Variants in ADAP1 observed in about 807,000 individuals in gnomAD.
ADAP1 encodes arf-GAP with dual PH domain-containing protein 1.
In ADAP1, 31 loss-of-function variants were observed where a neutral mutation model predicts 54.9. That is an observed-to-expected ratio of 0.56 (90% CI 0.42 to 0.76). ADAP1 has a LOEUF of 0.76. Ranked by LOEUF, ADAP1 falls within the 30% of genes least tolerant of loss-of-function variation. The pLI, the probability that ADAP1 is intolerant of heterozygous loss-of-function variation, is 0.00. For synonymous variants in ADAP1, 313 were observed against 202.6 expected (o/e 1.55, Z -4.63); for missense variants, 535 against 512.4 (o/e 1.04, Z -0.42).
At chr7:917,047 G>A (rs10271453) in intron 4 of ADAP1, among the ~76,000 whole-genome samples, 2 of 29,988 alleles carry the variant, frequency 6.7e-5, no homozygotes, top group African/African-American at 3.3e-4. Flanking sequence ...AGCTCTACCG[G>A]GGAGGTGCAC....
At position 920,819 on chromosome 7, in the gene ADAP1, CCA is replaced by C. The variant is rs1478801612; in HGVS notation, c.306-771_306-770del. 2.8e-5 allele frequency: 43 copies of C among 1,550,142 alleles called. No homozygotes were observed. Among genetic ancestry groups the C allele is most frequent in the Middle Eastern group, 3.3e-4 (2 of 6,008 alleles). ...CCAATACCATTGCAGAAACCACGAC[CCA>C]CACACAGGCCCGGCACGGCCCAGGT... On this transcript the variant is annotated intron_variant, in intron 3 of 10. Transcript: ENST00000265846. The surrounding 1 kb of genome is among the most constrained non-coding windows in gnomAD (Gnocchi z 4.5).
chr7:904,830 C>T lies in ADAP1; in HGVS notation c.501+230G>A, dbSNP rs10254865. Among the ~76,000 whole-genome samples the T allele has an allele frequency of 8.7e-3, 1,321 of 152,346 alleles. 14 individuals are homozygous for T. The highest frequency in any genetic ancestry group is 0.031 in the Middle Eastern group (9 of 294). On this transcript the variant is annotated intron_variant, in intron 5 of 10. Coordinates refer to ENST00000265846, the MANE Select transcript of ADAP1 (RefSeq NM_006869.4). Reference sequence around the variant, plus strand: ...GGCTGGGCCTGAGTTCAGGGGGCCCCGCCCGGCCGCCCAGGCTCCTGGAAA... The same window carrying T: ...GGCTGGGCCTGAGTTCAGGGGGCCCTGCCCGGCCGCCCAGGCTCCTGGAAA...
intron 4 of ADAP1, 73 bp downstream of exon 4, chr7:919,895 A>AAGAGATGGGGGAGGGAGGGAC (rs1846117604): frequency 1.4e-5 from 9 of 661,122 alleles, no homozygotes; most frequent in East Asian, 1.8e-4. Context: ...GAGGGAGGGA[A>AAGAGATGGGGGAGGGAGGGAC]AGAGATGGGG....
rs116446181 is a variant in ADAP1, at chr7:912,850, G to T, written c.388+7118C>A. ...TGAGTAGCTGGAGCTATCACGCCAGGCCTATTTATTTATGTTTTAAGACAA... is the reference window on the plus strand; with the variant it reads ...TGAGTAGCTGGAGCTATCACGCCAGTCCTATTTATTTATGTTTTAAGACAA... On this transcript the variant is annotated intron_variant, in intron 4 of 10. Coordinates refer to ENST00000265846, the MANE Select transcript of ADAP1 (RefSeq NM_006869.4). 2.1e-3 allele frequency among the ~76,000 whole-genome samples: 323 copies of T among 152,196 alleles called. 1 individual carries two copies. The highest frequency in any genetic ancestry group is 6.9e-3 in the African/African-American group (285 of 41,526).
At chr7:947,735 C>G (rs1847179882) in intron 1 of ADAP1, among the ~76,000 whole-genome samples, 1 of 152,170 alleles carries the variant, frequency 6.6e-6, no homozygotes, top group Admixed American at 6.5e-5. Flanking sequence ...ACCCACCTCC[C>G]GCTCCCGCGC....
chr7:932,771 G>T (rs1846625172), intron 2 of ADAP1, among the ~76,000 whole-genome samples: 1 of 152,222 alleles, frequency 6.6e-6, no homozygotes, highest in African/African-American at 2.4e-5. Flanking sequence ...GTGAAGGTGG[G>T]TCGAAGGCGG....
rs1008760255 is a variant in ADAP1 at position 946,888 on chromosome 7, C to T, written c.82+7508G>A. Among the ~76,000 whole-genome samples the T allele has an allele frequency of 1.3e-5, 2 of 152,252 alleles. No individual in the cohort carries two copies. The highest frequency in any genetic ancestry group is 2.9e-5 in the Non-Finnish European group (2 of 68,046). ...GGGCGGCTCACGCCTGCAATCTCAG[C>T]ACCTGGAGAGGCCAAGGTGAACGGG... On this transcript the variant is annotated intron_variant, in intron 1 of 10. Coordinates refer to ENST00000265846, the MANE Select transcript of ADAP1 (RefSeq NM_006869.4). The surrounding 1 kb of genome is among the most constrained non-coding windows in gnomAD (Gnocchi z 4.3).
At chr7:900,661 C>CTGGGGTCCCCACAGAGGA (rs1554270320) in intron 6 of ADAP1, 45 bp from the exon 7 acceptor site, 5 of 1,443,706 alleles carry the variant, frequency 3.5e-6, no homozygotes, top group South Asian at 1.2e-5. Flanking sequence ...GAGGCTGCAG[C>CTGGGGTCCCCACAGAGGA]GCTGGGGTCC....
In ADAP1 at chr7:930,349, A is replaced by G. The variant is rs577190041; in HGVS notation, c.214-3705T>C. The stretch of plus-strand genomic sequence containing the variant: ...ATGAAAACAGCTAACATTGCAGCAG[A>G]AAGGCAGGCAAAGGTGTGAAGAGAG... On this transcript the variant is annotated intron_variant, in intron 2 of 10. Transcript: ENST00000265846. Among the ~76,000 whole-genome samples the G allele has an allele frequency of 6.7e-5, 10 of 148,298 alleles. No homozygotes were observed. In the South Asian group the frequency reaches 2.2e-3, roughly 32 times the overall value.
Position 906,769 on chromosome 7 carries a change from G to C in ADAP1, c.389-1597C>G, listed in dbSNP as rs868824911. Among the ~76,000 whole-genome samples the C allele has an allele frequency of 6.4e-3, 244 of 37,866 alleles. 25 individuals are homozygous for C. Among genetic ancestry groups the C allele is most frequent in the African/African-American group, 0.023 (228 of 9,836 alleles). The allele number at this position is 37,866 out of a possible 152,430, so 24.8% of individuals were successfully genotyped here. A position where few individuals can be genotyped will look rare whatever the true frequency, so the allele number is the denominator to read the frequency against. On this transcript the variant is annotated intron_variant, in intron 4 of 10. Transcript: ENST00000265846. ...CATAGGGGACATGGACAGGGGACATGGGGGACAGGGGACACGGGGGACGGG... is the reference window on the plus strand; with the variant it reads ...CATAGGGGACATGGACAGGGGACATCGGGGACAGGGGACACGGGGGACGGG...
chr7:909,811 C>T (rs927480256), intron 4 of ADAP1, among the ~76,000 whole-genome samples: 1 of 152,216 alleles, frequency 6.6e-6, no homozygotes, highest in African/African-American at 2.4e-5. Context: ...CGTGCCGCGC[C>T]CTGCTGTGAG....
At position 930,125 on chromosome 7, in the gene ADAP1, A is replaced by C. The variant is rs544909818; in HGVS notation, c.214-3481T>G. Among the ~76,000 whole-genome samples, 293 of 134,784 alleles carry C rather than the reference A, an allele frequency of 2.2e-3. 1 individual carries two copies. Among genetic ancestry groups the C allele is most frequent in the South Asian group, 9.0e-3 (36 of 3,992 alleles). The allele number at this position is 134,784 out of a possible 152,430, so 88.4% of individuals were successfully genotyped here. A position where few individuals can be genotyped will look rare whatever the true frequency, so the allele number is the denominator to read the frequency against. ...TCAAAAAAAAAAAAAAAAAAAAAAA[A>C]AACCCTCAGGCAGAGAAGGCCTATT... On this transcript the variant is annotated intron_variant, in intron 2 of 10. Coordinates refer to ENST00000265846, the MANE Select transcript of ADAP1 (RefSeq NM_006869.4).
chr7:945,564 A>G lies in ADAP1; in HGVS notation c.82+8832T>C, dbSNP rs1403356364. On this transcript the variant is annotated intron_variant, in intron 1 of 10. Coordinates refer to ENST00000265846, the MANE Select transcript of ADAP1 (RefSeq NM_006869.4). This position sits in a 1 kb window ranked among gnomAD's most constrained non-coding sequence, Gnocchi z 4.2. ...AGGCCAGCAGGTACACACTGGGCCCAAGGGTGGCTGCGGCATGGCTGATGT... is the reference window on the plus strand; with the variant it reads ...AGGCCAGCAGGTACACACTGGGCCCGAGGGTGGCTGCGGCATGGCTGATGT... 1.3e-5 allele frequency among the ~76,000 whole-genome samples: 2 copies of G among 152,220 alleles called. No individual in the cohort carries two copies. Among genetic ancestry groups the G allele is most frequent in the African/African-American group, 2.4e-5 (1 of 41,478 alleles).
chr7:900,476 A>ACCCC, intron 7 of ADAP1, 57 bp downstream of exon 7: 1 of 1,065,206 alleles, frequency 9.4e-7, no homozygotes, highest in Non-Finnish European at 1.4e-6. Flanking sequence ...GGCTCCGTCC[A>ACCCC]CCCCCCACCC....
intron 4 of ADAP1, among the ~76,000 whole-genome samples, chr7:918,898 T>A (rs1846042862): frequency 6.9e-6 from 1 of 144,576 alleles, no homozygotes; most frequent in Admixed American, 6.8e-5. Context: ...TTAAATGAGA[T>A]GCCAGGAGAA....
chr7:915,947 C>T (rs912570594), intron 4 of ADAP1, among the ~76,000 whole-genome samples: 1 of 151,990 alleles, frequency 6.6e-6, no homozygotes, highest in African/African-American at 2.4e-5. Context: ...CGTCTGCCAC[C>T]TGCCTGCAGA....
chr7:900,688 G>A (rs1844756334), intron 6 of ADAP1, 72 bp from the exon 7 acceptor site: 1 of 1,328,574 alleles, frequency 7.5e-7, no homozygotes, highest in Non-Finnish European at 1.1e-6. Context: ...AGGGGCTGGG[G>A]TCCCCACAGA....
At chr7:901,231 G>A (rs940171997) in intron 6 of ADAP1, 13 of 356,832 alleles carry the variant, frequency 3.6e-5, no homozygotes, top group African/African-American at 1.7e-4. Flanking sequence ...GGTGCCCTCT[G>A]GGTCTAGACT....
chr7:930,760 A>G (rs1846547294), intron 2 of ADAP1, among the ~76,000 whole-genome samples: 1 of 151,646 alleles, frequency 6.6e-6, no homozygotes, highest in African/African-American at 2.4e-5. Flanking sequence ...TGGAGGTTGC[A>G]GTGAGGTGAG....
Sources: gnomAD v4.1 joint callset for allele counts (sites outside exome capture counted in the v4.1 genomes callset) on GRCh38, gnomAD v4.1.1 for gene constraint, Gnocchi (gnomAD v3.1) non-coding constraint, MANE v1.5 for transcripts, NCBI Gene and HGNC (gene_info 2026-07-23, HGNC 2026-07-21) for gene names.